The following PAX7 variants were observed in gnomAD, a reference collection of about 807,000 sequenced individuals.
PAX7 encodes paired box 7.
A neutral mutation model predicts 50.7 loss-of-function variants in PAX7; 18 were observed. That is an observed-to-expected ratio of 0.36 (90% confidence interval 0.25 to 0.53). The LOEUF is 0.53. PAX7 is among the 20% of genes least tolerant of loss of function. The pLI, the probability that PAX7 is intolerant of heterozygous loss-of-function variation, is 0.93. For synonymous variants in PAX7, 310 were observed against 290.4 expected (o/e 1.07, Z -0.69); for missense variants, 644 against 702.9 (o/e 0.92, Z 0.95).
chr1:18,708,552 C>T (rs1271071009), intron 7 of PAX7, among the ~76,000 whole-genome samples: 2 of 151,990 alleles, frequency 1.3e-5, no homozygotes, highest in Non-Finnish European at 1.5e-5. Context: ...GAGACCCTGT[C>T]TCAAAATTAA....
intron 7 of PAX7, among the ~76,000 whole-genome samples, chr1:18,717,938 T>A (rs917224524): frequency 2.6e-5 from 4 of 152,110 alleles, no homozygotes; most frequent in African/African-American, 4.8e-5. Flanking sequence ...AGAAATACCG[T>A]CTTGACGGCC....
intron 7 of PAX7, among the ~76,000 whole-genome samples, chr1:18,717,758 T>C (rs1173820387): frequency 1.3e-5 from 2 of 152,158 alleles, no homozygotes; most frequent in Admixed American, 1.3e-4. Flanking sequence ...TGAGGGTCTA[T>C]TTTGTGCCCC....
At chr1:18,709,365 A>G (rs547708151) in intron 7 of PAX7, among the ~76,000 whole-genome samples, 1 of 152,352 alleles carries the variant, frequency 6.6e-6, no homozygotes, top group South Asian at 2.1e-4. Context: ...GAAGGAAGCC[A>G]TAAAGGGATT....
intron 7 of PAX7, among the ~76,000 whole-genome samples, chr1:18,712,305 A>C (rs746286132): frequency 4.6e-5 from 7 of 151,344 alleles, no homozygotes; most frequent in African/African-American, 7.4e-5. Flanking sequence ...GGAAACGCTC[A>C]GTTATTTCCC....
rs141891390 is a variant in PAX7, at chr1:18,652,057, C to T, written c.586+15686C>T. 6.7e-3 allele frequency among the ~76,000 whole-genome samples: 1,018 copies of T among 152,062 alleles called. 7 individuals carry two copies. Among genetic ancestry groups the T allele is most frequent in the Non-Finnish European group, 0.011 (754 of 67,980 alleles). On this transcript the variant is annotated intron_variant, in intron 4 of 8. Transcript: ENST00000420770. Reference sequence around the variant, plus strand: ...CTCAGGTAAACCCATCAAGGCTCACCGGCCCCCTGGCAGGAGGCAGCAAGA... The same window carrying T: ...CTCAGGTAAACCCATCAAGGCTCACTGGCCCCCTGGCAGGAGGCAGCAAGA...
chr1:18,677,476 T>G (rs185597336), intron 4 of PAX7, among the ~76,000 whole-genome samples: 1 of 152,248 alleles, frequency 6.6e-6, no homozygotes, highest in Non-Finnish European at 1.5e-5. Context: ...GTTAGTGTGG[T>G]TTGTGAGGCA....
intron 4 of PAX7, among the ~76,000 whole-genome samples, chr1:18,676,175 C>T (rs1557523616): frequency 6.6e-6 from 1 of 152,182 alleles, no homozygotes; most frequent in Non-Finnish European, 1.5e-5. Flanking sequence ...CTTTCACCAG[C>T]CTCCCCCTGC....
intron 7 of PAX7, among the ~76,000 whole-genome samples, chr1:18,727,611 G>C (rs1024521957): frequency 1.3e-5 from 2 of 152,174 alleles, no homozygotes; most frequent in African/African-American, 4.8e-5. Context: ...TGGGGTCACA[G>C]TACTTCCTAG....
intron 7 of PAX7, among the ~76,000 whole-genome samples, chr1:18,723,457 G>A (rs151297904): frequency 6.2e-4 from 95 of 152,292 alleles, no homozygotes; most frequent in African/African-American, 2.2e-3. Context: ...GAGGGAAATC[G>A]AAGATGATTG....
chr1:18,726,145 AGTGTGTGTGTGTGTGTGT>A lies in PAX7; in HGVS notation c.1156-9470_1156-9453del, dbSNP rs35982827. Among the ~76,000 whole-genome samples, 1 of 137,498 alleles carries A rather than the reference AGTGTGTGTGTGTGTGTGT, an allele frequency of 7.3e-6. No homozygotes were observed. The highest frequency in any genetic ancestry group is 1.6e-5 in the Non-Finnish European group (1 of 64,000). The allele number at this position is 137,498 out of a possible 152,430, so 90.2% of individuals were successfully genotyped here. A position where few individuals can be genotyped will look rare whatever the true frequency, so the allele number is the denominator to read the frequency against. On this transcript the variant is annotated intron_variant, in intron 7 of 8. Coordinates refer to ENST00000420770, the MANE Select transcript of PAX7 (RefSeq NM_001135254.2). This position sits in a 1 kb window ranked among gnomAD's most constrained non-coding sequence, Gnocchi z 4.8. ...ATAAAACAGACATTGGAAGAGTGTG[AGTGTGTGTGTGTGTGTGT>A]GTGTGTGTGTGTGTGTCTTTGACTT...
intron 4 of PAX7, among the ~76,000 whole-genome samples, chr1:18,653,675 G>T (rs1378559705): frequency 6.6e-6 from 1 of 151,906 alleles, no homozygotes; most frequent in African/African-American, 2.4e-5. Flanking sequence ...CAGGTCGGGG[G>T]GGTTGTCCAT....
intron 7 of PAX7, among the ~76,000 whole-genome samples, chr1:18,732,411 C>T (rs1190991021): frequency 2.0e-5 from 3 of 152,134 alleles, no homozygotes; most frequent in African/African-American, 7.2e-5. Flanking sequence ...GCAAGTACCA[C>T]GTAGGCACTG....
At chr1:18,652,408 G>C (rs1019877690) in intron 4 of PAX7, among the ~76,000 whole-genome samples, 2 of 152,206 alleles carry the variant, frequency 1.3e-5, no homozygotes, top group East Asian at 3.8e-4. Context: ...TGGGGGAAGA[G>C]CAGGTTCACC....
chr1:18,718,563 G>A (rs980252598), intron 7 of PAX7, among the ~76,000 whole-genome samples: 16 of 152,166 alleles, frequency 1.1e-4, no homozygotes, highest in East Asian at 3.9e-4. Flanking sequence ...GTGGAGGAAC[G>A]TGGGGATCTG....
intron 4 of PAX7, among the ~76,000 whole-genome samples, chr1:18,666,124 C>T (rs760002238): frequency 3.9e-5 from 6 of 152,160 alleles, no homozygotes; most frequent in Non-Finnish European, 5.9e-5. Flanking sequence ...GTCTGGGCAG[C>T]GTAGCTCCGT....
At chr1:18,741,483 A>G (rs979993839) in intron 8 of PAX7, among the ~76,000 whole-genome samples, 2 of 130,384 alleles carry the variant, frequency 1.5e-5, no homozygotes, top group African/African-American at 5.9e-5. Flanking sequence ...AAGAAAGAAA[A>G]GATAAGATAA....
chr1:18,730,361 C>T (rs889908557), intron 7 of PAX7, among the ~76,000 whole-genome samples: 5 of 151,674 alleles, frequency 3.3e-5, no homozygotes, highest in African/African-American at 9.7e-5. Context: ...TGTTGTCCCT[C>T]TTAGAGCCTC....
In PAX7 at chr1:18,636,378, A is replaced by C; in HGVS notation, c.586+7A>C. On this transcript the variant is annotated splice_region_variant and intron_variant, in intron 4 of 8. Coordinates refer to ENST00000420770, the MANE Select transcript of PAX7 (RefSeq NM_001135254.2). This position sits in a 1 kb window ranked among gnomAD's most constrained non-coding sequence, Gnocchi z 5.1. ...GGCATCCTGGGCGACAAAGGTAGGGAACTTCCCTGGGCTGCGAGGCCCCAG... is the reference window on the plus strand; with the variant it reads ...GGCATCCTGGGCGACAAAGGTAGGGCACTTCCCTGGGCTGCGAGGCCCCAG... 6.2e-7 allele frequency: 1 copy of C among 1,613,944 alleles called. No individual in the cohort carries two copies. Among genetic ancestry groups the C allele is most frequent in the Non-Finnish European group, 8.5e-7 (1 of 1,179,840 alleles).
intron 5 of PAX7, among the ~76,000 whole-genome samples, chr1:18,696,635 T>C (rs1233090931): frequency 1.3e-5 from 2 of 152,148 alleles, no homozygotes; most frequent in Non-Finnish European, 2.9e-5. Context: ...TTAAGTGAAA[T>C]AAGCCAGGCA....
Sources: allele counts gnomAD v4.1 joint callset (sites outside exome capture counted in the v4.1 genomes callset), GRCh38; gene constraint gnomAD v4.1.1; non-coding constraint Gnocchi (gnomAD v3.1); transcripts MANE v1.5; gene names NCBI Gene and HGNC (gene_info 2026-07-23, HGNC 2026-07-21).